The following CPA6 variants were observed in gnomAD, a reference collection of about 807,000 sequenced individuals.
CPA6 encodes carboxypeptidase A6, also known as carboxypeptidase B.
In CPA6, 58 loss-of-function variants were observed where a neutral mutation model predicts 63.3. The observed-to-expected ratio is 0.92, with a 90% CI of 0.74 to 1.14. The LOEUF is 1.14. Among genes scored for constraint, CPA6 ranks in the 50% most tolerant of loss-of-function variants. The pLI is 0.00. For missense variants in CPA6, 565 were observed against 526.6 expected, an observed-to-expected ratio of 1.07 and a Z score of -0.71; for synonymous variants, 185 against 179.0, an observed-to-expected ratio of 1.03 and a Z score of -0.27.
At chr8:67,559,474 A>G (rs1478883967) in intron 2 of CPA6, among the ~76,000 whole-genome samples, 1 of 152,100 alleles carries the variant, frequency 6.6e-6, no homozygotes, top group Non-Finnish European at 1.5e-5. Flanking sequence ...TCCCATGGCC[A>G]TGATGTCCTA....
At chr8:67,423,616 A>G (rs1349794601) in intron 10 of CPA6, among the ~76,000 whole-genome samples, 1 of 152,156 alleles carries the variant, frequency 6.6e-6, no homozygotes. Context: ...CCCCTGGCCC[A>G]GTTTCTCTGC....
At chr8:67,614,823 T>C (rs1452627543) in intron 2 of CPA6, among the ~76,000 whole-genome samples, 1 of 152,186 alleles carries the variant, frequency 6.6e-6, no homozygotes, top group African/African-American at 2.4e-5. Flanking sequence ...CTTTGGCCAC[T>C]GAATAAAAAC....
At position 67,550,953 on chromosome 8, in the gene CPA6, A is replaced by G. The variant is rs1017085056; in HGVS notation, c.193-32906T>C. On this transcript the variant is annotated intron_variant, in intron 2 of 10. Coordinates refer to ENST00000297770, the MANE Select transcript of CPA6 (RefSeq NM_020361.5). ...ATATTTAGACCTTTGTCAAAAGCAT[A>G]TTTTGTGAATATTTTCTTCCATTCT... Among the ~76,000 whole-genome samples, 4 of 152,080 alleles carry G rather than the reference A, an allele frequency of 2.6e-5. No homozygotes were observed. The East Asian group carries it at 7.7e-4, about 29-fold the overall frequency.
At chr8:67,740,234 G>A (rs972328622) in intron 1 of CPA6, among the ~76,000 whole-genome samples, 5 of 152,208 alleles carry the variant, frequency 3.3e-5, no homozygotes, top group African/African-American at 9.6e-5. Context: ...GGAAAAGGGG[G>A]ACTTTTGCCC....
chr8:67,726,609 T>C (rs1817600689), intron 1 of CPA6, among the ~76,000 whole-genome samples: 1 of 152,202 alleles, frequency 6.6e-6, no homozygotes, highest in East Asian at 1.9e-4. Context: ...AATGCTTTTT[T>C]CCTAACTTTT....
At chr8:67,595,345 T>G (rs954423080) in intron 2 of CPA6, among the ~76,000 whole-genome samples, 2 of 152,224 alleles carry the variant, frequency 1.3e-5, no homozygotes, top group Non-Finnish European at 1.5e-5. Context: ...GGGACCCACT[T>G]GAGGAGGCAG....
intron 2 of CPA6, among the ~76,000 whole-genome samples, chr8:67,557,373 G>A (rs1332182633): frequency 6.6e-6 from 1 of 152,114 alleles, no homozygotes; most frequent in Non-Finnish European, 1.5e-5. Context: ...ATGCCTGTAA[G>A]AACAACAGGA....
At chr8:67,728,540 T>A (rs1469459811) in intron 1 of CPA6, among the ~76,000 whole-genome samples, 1 of 152,222 alleles carries the variant, frequency 6.6e-6, no homozygotes, top group Non-Finnish European at 1.5e-5. Context: ...TTTGATAGAC[T>A]AAATAAATTG....
intron 8 of CPA6, among the ~76,000 whole-genome samples, chr8:67,456,445 A>C (rs757905905): frequency 6.6e-6 from 1 of 152,162 alleles, no homozygotes; most frequent in Non-Finnish European, 1.5e-5. Flanking sequence ...AATACACTCA[A>C]CCTAACTCCT....
In CPA6 at chr8:67,475,827, C is replaced by T. The variant is rs200654102; in HGVS notation, c.838+7941G>A. On this transcript the variant is annotated intron_variant, in intron 8 of 10. Coordinates refer to ENST00000297770, the MANE Select transcript of CPA6 (RefSeq NM_020361.5). ...TTTCTTTCTTTCTTTCCTTTCTTTT[C>T]TTTCTTTCTTTCTTTCTTTCTTTCT... 6.5e-3 allele frequency among the ~76,000 whole-genome samples: 280 copies of T among 42,820 alleles called. 8 individuals carry two copies. The highest frequency in any genetic ancestry group is 0.025 in the African/African-American group (205 of 8,220). 28.1% of individuals were successfully genotyped at this position (42,820 alleles called of 152,430 possible).
At chr8:67,716,728 A>G (rs1048584612) in intron 1 of CPA6, among the ~76,000 whole-genome samples, 1 of 152,184 alleles carries the variant, frequency 6.6e-6, no homozygotes, top group African/African-American at 2.4e-5. Context: ...ATAAAATGGG[A>G]GGCAGGTTTG....
intron 2 of CPA6, among the ~76,000 whole-genome samples, chr8:67,602,166 CATT>C (rs1814512967): frequency 6.6e-6 from 1 of 151,974 alleles, no homozygotes; most frequent in African/African-American, 2.4e-5. Context: ...TATAGATACA[CATT>C]AATATATAGG....
intron 2 of CPA6, among the ~76,000 whole-genome samples, chr8:67,525,683 A>G (rs553967270): frequency 1.6e-4 from 25 of 152,352 alleles, no homozygotes; most frequent in African/African-American, 5.5e-4. Flanking sequence ...TGAACTACCA[A>G]TTGATACATC....
At chr8:67,741,737 T>A (rs1370898101) in intron 1 of CPA6, among the ~76,000 whole-genome samples, 1 of 152,202 alleles carries the variant, frequency 6.6e-6, no homozygotes, top group African/African-American at 2.4e-5. Context: ...TGGGACTGCC[T>A]AGTTGCAGGA....
chr8:67,530,217 GA>G lies in CPA6; in HGVS notation c.193-12171del, dbSNP rs3055690. On this transcript the variant is annotated intron_variant, in intron 2 of 10. Coordinates refer to ENST00000297770, the MANE Select transcript of CPA6 (RefSeq NM_020361.5). ...GTAGAACAAAATGGTAAAAAGACAG[GA>G]AAAAAAAAAAAATAAGGCATGCAGT... Among the ~76,000 whole-genome samples, 711 of 138,200 alleles carry G rather than the reference GA, an allele frequency of 5.1e-3. 3 individuals carry two copies. Among genetic ancestry groups the G allele is most frequent in the Non-Finnish European group, 8.7e-3 (530 of 61,260 alleles). The allele number at this position is 138,200 out of a possible 152,430, so 90.7% of individuals were successfully genotyped here.
At chr8:67,475,919 TTTC>T (rs1414017939) in intron 8 of CPA6, among the ~76,000 whole-genome samples, 3 of 99,192 alleles carry the variant, frequency 3.0e-5, no homozygotes, top group African/African-American at 1.5e-4. Flanking sequence ...TCTTTCTTTC[TTTC>T]TTTCTTTCTT....
At chr8:67,541,087 C>T (rs770705705) in intron 2 of CPA6, among the ~76,000 whole-genome samples, 5 of 150,338 alleles carry the variant, frequency 3.3e-5, no homozygotes, top group East Asian at 2.0e-4. Context: ...CCACTGGGTA[C>T]GAAAAAAAAA....
chr8:67,581,122 G>A (rs2128978368), intron 2 of CPA6, among the ~76,000 whole-genome samples: 1 of 152,250 alleles, frequency 6.6e-6, no homozygotes, highest in East Asian at 1.9e-4. Flanking sequence ...ACGAGTATAT[G>A]TACTATGTAA....
chr8:67,601,426 T>C (rs1814494350), intron 2 of CPA6, among the ~76,000 whole-genome samples: 1 of 152,196 alleles, frequency 6.6e-6, no homozygotes, highest in East Asian at 1.9e-4. Flanking sequence ...AAACATTCAG[T>C]ATCAAGTATT....
Sources: gnomAD v4.1 joint callset for allele counts (sites outside exome capture counted in the v4.1 genomes callset) on GRCh38, gnomAD v4.1.1 for gene constraint, MANE v1.5 for transcripts, NCBI Gene and HGNC (gene_info 2026-07-23, HGNC 2026-07-21) for gene names.